ARL8A: variants seen among roughly 807,000 people sequenced by gnomAD.
ARL8A encodes the protein ADP-ribosylation factor-like protein 8A.
Under a neutral mutation model 31.2 loss-of-function variants are expected in ARL8A, and 10 were observed. That is an observed-to-expected ratio of 0.32 (90% CI 0.20 to 0.54). The LOEUF (loss-of-function observed/expected upper bound fraction) is 0.54. Among genes scored for constraint, ARL8A ranks in the 20% least tolerant of loss-of-function variants. ARL8A has a pLI of 0.93. For missense variants in ARL8A, 129 were observed against 242.8 expected (o/e 0.53, Z 3.12); for synonymous variants, 70 against 86.9 (o/e 0.81, Z 1.08).
At position 202,138,294 on chromosome 1, in the gene ARL8A, A is replaced by AACACACACACACACACACACACAC. The variant is rs10531175; in HGVS notation, c.204+50_204+73dup. On this transcript the variant is annotated intron_variant, in intron 2 of 6. Transcript: ENST00000272217. This position sits in a 1 kb window ranked among gnomAD's most constrained non-coding sequence, Gnocchi z 4.4. ...CCCAGGGGCCTCCGTTGCCCTCCCC[A>AACACACACACACACACACACACAC]ACACACACACACACACACACACACA... The AACACACACACACACACACACACAC allele has an allele frequency of 3.2e-5, 43 of 1,337,832 alleles. No individual in the cohort carries two copies. In the African/African-American group the frequency reaches 5.8e-4, roughly 18 times the overall value. 82.9% of individuals were successfully genotyped at this position (1,337,832 alleles called of 1,614,324 possible). A position where few individuals can be genotyped will look rare whatever the true frequency, so the allele number is the denominator to read the frequency against.
Position 202,135,403 on chromosome 1 carries a change from G to T in ARL8A, c.440+56C>A. ...GAACAGCAGCAAGCCTAGGCTGTTGGTCTGGTGGTTGGGGAATTGGGAGAG... is the reference window on the plus strand; with the variant it reads ...GAACAGCAGCAAGCCTAGGCTGTTGTTCTGGTGGTTGGGGAATTGGGAGAG... On this transcript the variant is annotated intron_variant, in intron 5 of 6. Transcript: ENST00000272217. The surrounding 1 kb of genome is among the most constrained non-coding windows in gnomAD (Gnocchi z 5.3). 6.3e-7 allele frequency: 1 copy of T among 1,585,480 alleles called. No individual in the cohort carries two copies. The highest frequency in any genetic ancestry group is 8.7e-7 in the Non-Finnish European group (1 of 1,153,970).
chr1:202,144,039 G>A lies in ARL8A; in HGVS notation c.123+411C>T, dbSNP rs1262617194. 6.6e-6 allele frequency among the ~76,000 whole-genome samples: 1 copy of A among 152,108 alleles called. No individual in the cohort carries two copies. The highest frequency in any genetic ancestry group is 1.5e-5 in the Non-Finnish European group (1 of 68,004). On this transcript the variant is annotated intron_variant, in intron 1 of 6. Transcript: ENST00000272217. This position sits in a 1 kb window ranked among gnomAD's most constrained non-coding sequence, Gnocchi z 5.2. ...TCAAGCCTCTCGGCCGCCCCGTCCC[G>A]TGACCCTCTACCCGCGGGACAGGAA... is the stretch of plus-strand genomic sequence containing the variant.
At chr1:202,140,870 T>C (rs186711468) in intron 1 of ARL8A, among the ~76,000 whole-genome samples, 11 of 152,056 alleles carry the variant, frequency 7.2e-5, no homozygotes, top group Non-Finnish European at 4.4e-5. Flanking sequence ...TCCCAGGGGG[T>C]GCTTGGATAA....
Position 202,144,623 on chromosome 1 carries a change from GC to G in ARL8A, c.-52del. 1 of 1,336,666 alleles carries G rather than the reference GC, an allele frequency of 7.5e-7. No individual in the cohort carries two copies. The allele number at this position is 1,336,666 out of a possible 1,614,324, so 82.8% of individuals were successfully genotyped here. A position where few individuals can be genotyped will look rare whatever the true frequency, so the allele number is the denominator to read the frequency against. ...TGCCAGGTCCCCGCCGCCCCTCGCT[GC>G]CCTCGCGCTGCGGCCCGGAGCGGCC... On this transcript the variant is annotated 5_prime_UTR_variant, in exon 1 of 7. Coordinates refer to ENST00000272217, the MANE Select transcript of ARL8A (RefSeq NM_138795.4). The surrounding 1 kb of genome is among the most constrained non-coding windows in gnomAD (Gnocchi z 5.2).
At chr1:202,141,310 T>C (rs1206306223) in intron 1 of ARL8A, among the ~76,000 whole-genome samples, 1 of 152,182 alleles carries the variant, frequency 6.6e-6, no homozygotes, top group African/African-American at 2.4e-5. Context: ...CCATCCCCTC[T>C]TGGGTCAGTT....
At position 202,138,613 on chromosome 1, in the gene ARL8A, C is replaced by T. The variant is rs2147812218; in HGVS notation, c.124-165G>A. On this transcript the variant is annotated intron_variant, in intron 1 of 6. Coordinates refer to ENST00000272217, the MANE Select transcript of ARL8A (RefSeq NM_138795.4). The surrounding 1 kb of genome is among the most constrained non-coding windows in gnomAD (Gnocchi z 4.4). The stretch of plus-strand genomic sequence containing the variant: ...GCTTTCAGGCAGGATGGGCTATCAC[C>T]AACCTATGTGTCCCGCCTACACCTG... Among the ~76,000 whole-genome samples, 1 of 152,258 alleles carries T rather than the reference C, an allele frequency of 6.6e-6. No homozygotes were observed. Among genetic ancestry groups the T allele is most frequent in the East Asian group, 1.9e-4 (1 of 5,174 alleles).
chr1:202,141,467 C>T (rs193197074), intron 1 of ARL8A, among the ~76,000 whole-genome samples: 1 of 151,888 alleles, frequency 6.6e-6, no homozygotes, highest in South Asian at 2.1e-4. Context: ...CATGACGAAA[C>T]CCCATCTCTA....
At chr1:202,136,293 A>G (rs1050825441) in intron 3 of ARL8A, among the ~76,000 whole-genome samples, 1 of 152,064 alleles carries the variant, frequency 6.6e-6, no homozygotes, top group Non-Finnish European at 1.5e-5. Flanking sequence ...TATTAATATC[A>G]TTTTTGAGAT....
rs369616189 is a variant in ARL8A, at chr1:202,135,815, A to G, written c.279-15T>C. ...CCACCATGTACCTGGGGAAAGAGGC[A>G]GGGTGGGGACAAGCATGTTGACACC... On this transcript the variant is annotated splice_polypyrimidine_tract_variant and intron_variant, in intron 3 of 6. Coordinates refer to ENST00000272217, the MANE Select transcript of ARL8A (RefSeq NM_138795.4). The surrounding 1 kb of genome is among the most constrained non-coding windows in gnomAD (Gnocchi z 5.3). The G allele has an allele frequency of 5.6e-6, 9 of 1,606,602 alleles. No homozygotes were observed. The highest frequency in any genetic ancestry group is 7.7e-6 in the Non-Finnish European group (9 of 1,173,208).
At position 202,135,317 on chromosome 1, in the gene ARL8A, A is replaced by C; in HGVS notation, c.441-97T>G. 6.8e-7 allele frequency: 1 copy of C among 1,463,832 alleles called. No homozygotes were observed. Among genetic ancestry groups the C allele is most frequent in the Non-Finnish European group, 9.6e-7 (1 of 1,044,532 alleles). The allele number at this position is 1,463,832 out of a possible 1,614,324, so 90.7% of individuals were successfully genotyped here. A position where few individuals can be genotyped will look rare whatever the true frequency, so the allele number is the denominator to read the frequency against. The stretch of plus-strand genomic sequence containing the variant: ...GCCTTTTTCTTACCTAAGAGGCTAC[A>C]AAGGGGAGGGTGAGGTGCCTGAAAA... On this transcript the variant is annotated intron_variant, in intron 5 of 6. Transcript: ENST00000272217. The surrounding 1 kb of genome is among the most constrained non-coding windows in gnomAD (Gnocchi z 5.3).
chr1:202,138,596 G>T lies in ARL8A; in HGVS notation c.124-148C>A, dbSNP rs756300390. ...ACTCTTGCACATCCTGTGCTTTCAG[G>T]CAGGATGGGCTATCACCAACCTATG... On this transcript the variant is annotated intron_variant, in intron 1 of 6. Coordinates refer to ENST00000272217, the MANE Select transcript of ARL8A (RefSeq NM_138795.4). This position sits in a 1 kb window ranked among gnomAD's most constrained non-coding sequence, Gnocchi z 4.4. 2.3e-5 allele frequency: 17 copies of T among 723,798 alleles called. No individual in the cohort carries two copies. Among genetic ancestry groups the T allele is most frequent in the South Asian group, 5.3e-5 (3 of 56,482 alleles). The allele number at this position is 723,798 out of a possible 1,614,324, so 44.8% of individuals were successfully genotyped here. A position where few individuals can be genotyped will look rare whatever the true frequency, so the allele number is the denominator to read the frequency against.
Position 202,138,528 on chromosome 1 carries a change from G to A in ARL8A, c.124-80C>T. 7.3e-7 allele frequency: 1 copy of A among 1,367,932 alleles called. No homozygotes were observed. The highest frequency in any genetic ancestry group is 1.0e-6 in the Non-Finnish European group (1 of 960,562). The allele number at this position is 1,367,932 out of a possible 1,614,324, so 84.7% of individuals were successfully genotyped here. On this transcript the variant is annotated intron_variant, in intron 1 of 6. Coordinates refer to ENST00000272217, the MANE Select transcript of ARL8A (RefSeq NM_138795.4). The surrounding 1 kb of genome is among the most constrained non-coding windows in gnomAD (Gnocchi z 4.4). ...CAGACCAAGAGGCTGCGAGAACCATGCAGAGGCCAGGCCAGAGCTTCCTAG... is the reference window on the plus strand; with the variant it reads ...CAGACCAAGAGGCTGCGAGAACCATACAGAGGCCAGGCCAGAGCTTCCTAG...
chr1:202,137,251 G>C (rs1655035991), intron 3 of ARL8A, among the ~76,000 whole-genome samples: 1 of 151,996 alleles, frequency 6.6e-6, no homozygotes, highest in African/African-American at 2.4e-5. Context: ...CTAAACTCCT[G>C]GGCTCAAGCA....
At chr1:202,142,030 G>A (rs1453136944) in intron 1 of ARL8A, among the ~76,000 whole-genome samples, 1 of 152,134 alleles carries the variant, frequency 6.6e-6, no homozygotes, top group African/African-American at 2.4e-5. Context: ...ACCATGCCTG[G>A]CTAATTTTTG....
In ARL8A at chr1:202,135,812, G is replaced by C; in HGVS notation, c.279-12C>G. The C allele has an allele frequency of 6.2e-7, 1 of 1,607,436 alleles. No individual in the cohort carries two copies. ...CATCCACCATGTACCTGGGGAAAGAGGCAGGGTGGGGACAAGCATGTTGAC... is the reference window on the plus strand; with the variant it reads ...CATCCACCATGTACCTGGGGAAAGACGCAGGGTGGGGACAAGCATGTTGAC... On this transcript the variant is annotated splice_polypyrimidine_tract_variant and intron_variant, in intron 3 of 6. Transcript: ENST00000272217. This position sits in a 1 kb window ranked among gnomAD's most constrained non-coding sequence, Gnocchi z 5.3.
At position 202,138,569 on chromosome 1, in the gene ARL8A, G is replaced by T; in HGVS notation, c.124-121C>A. The T allele has an allele frequency of 2.3e-6, 2 of 888,636 alleles. No homozygotes were observed. Among genetic ancestry groups the T allele is most frequent in the Non-Finnish European group, 3.6e-6 (2 of 559,062 alleles). 55.0% of individuals were successfully genotyped at this position (888,636 alleles called of 1,614,324 possible). A position where few individuals can be genotyped will look rare whatever the true frequency, so the allele number is the denominator to read the frequency against. On this transcript the variant is annotated intron_variant, in intron 1 of 6. Coordinates refer to ENST00000272217, the MANE Select transcript of ARL8A (RefSeq NM_138795.4). The surrounding 1 kb of genome is among the most constrained non-coding windows in gnomAD (Gnocchi z 4.4). The stretch of plus-strand genomic sequence containing the variant: ...AGCTTCCTAGACTTCCCACTGTGGG[G>T]TACTCTTGCACATCCTGTGCTTTCA...
chr1:202,138,123 G>T lies in ARL8A; in HGVS notation c.205-85C>A. ...GGTCTCAAATGCCCCCTCCTACCCT[G>T]CCCTACTCTCCTCTGCCTCCCCGGC... On this transcript the variant is annotated intron_variant, in intron 2 of 6. Transcript: ENST00000272217. The surrounding 1 kb of genome is among the most constrained non-coding windows in gnomAD (Gnocchi z 4.4). The T allele has an allele frequency of 6.8e-7, 1 of 1,481,206 alleles. No individual in the cohort carries two copies. Among genetic ancestry groups the T allele is most frequent in the South Asian group, 1.1e-5 (1 of 87,240 alleles). 91.8% of individuals were successfully genotyped at this position (1,481,206 alleles called of 1,614,324 possible). A position where few individuals can be genotyped will look rare whatever the true frequency, so the allele number is the denominator to read the frequency against.
chr1:202,136,218 CCTATTGTGTATTCTAAACAAT>C (rs1268012610), intron 3 of ARL8A, among the ~76,000 whole-genome samples: 1 of 152,124 alleles, frequency 6.6e-6, no homozygotes, highest in African/African-American at 2.4e-5. Context: ...TAAAAAGCAA[CCTATTGTGTATTCTAAACAAT>C]CTATTGTTTG....
chr1:202,142,330 T>C (rs1655184374), intron 1 of ARL8A, among the ~76,000 whole-genome samples: 1 of 152,194 alleles, frequency 6.6e-6, no homozygotes, highest in African/African-American at 2.4e-5. Context: ...AGAGGCCAAA[T>C]GAACAGGCAC....
Sources: allele counts gnomAD v4.1 joint callset (sites outside exome capture counted in the v4.1 genomes callset), GRCh38; gene constraint gnomAD v4.1.1; non-coding constraint Gnocchi (gnomAD v3.1); transcripts MANE v1.5; gene names NCBI Gene and HGNC (gene_info 2026-07-23, HGNC 2026-07-21).